The following POLQ variants were observed in gnomAD, a reference collection of about 807,000 sequenced individuals.
The protein encoded by POLQ is DNA polymerase theta.
In POLQ, 233 loss-of-function variants were observed where a neutral mutation model predicts 259.2. The ratio of observed to expected loss-of-function variants is 0.90; its 90% CI spans 0.81 to 1.00. The LOEUF (loss-of-function observed/expected upper bound fraction) is 1.00. POLQ is among the 50% of genes least tolerant of loss of function. POLQ has a pLI of 0.00. For missense variants in POLQ, 2,871 were observed against 3,051.6 expected (o/e 0.94, Z 1.39); for synonymous variants, 1,025 against 1,048.8 (o/e 0.98, Z 0.44).
At chr3:121,494,872 G>C in intron 14 of POLQ, 1 of 1,584,740 alleles carries the variant, frequency 6.3e-7, no homozygotes, top group Non-Finnish European at 8.6e-7. Context: ...AGCTCGAAAA[G>C]GCAAAGGCTA....
rs532096994 is a variant in POLQ at position 121,517,744 on chromosome 3, G to A, written c.1468+2127C>T. 5.1e-4 allele frequency among the ~76,000 whole-genome samples: 77 copies of A among 152,222 alleles called. 1 individual carries two copies. The highest frequency in any genetic ancestry group is 1.5e-3 in the South Asian group (7 of 4,824). On this transcript the variant is annotated intron_variant, in intron 9 of 29. Transcript: ENST00000264233. ...GAGACTGGACTGGCCATCATATACC[G>A]AGGATAGAAACTACATTGCTGAAAA...
chr3:121,489,560 C>T lies in POLQ; in HGVS notation c.3371G>A (p.Trp1124Ter). The T allele has an allele frequency of 6.2e-7, 1 of 1,612,926 alleles. No individual in the cohort carries two copies. Among genetic ancestry groups the T allele is most frequent in the Admixed American group, 1.7e-5 (1 of 59,866 alleles). The change falls in exon 16 of 30, where the codon TGG becomes TAG. Residue 1124 changes from tryptophan (W) to a stop codon, truncating the protein, a stop_gained. Coordinates refer to ENST00000264233, the MANE Select transcript of POLQ (RefSeq NM_199420.4). LOFTEE classifies it high-confidence loss of function. ...FPLQIKQNCS[W>*]NITLTNDNFV... ...ATTATCATTAGTTAGTGTTATGTTC[C>T]ATGAACAATTTTGCTTTATTTGTAA...
At chr3:121,544,467 T>C (rs1467540589) in intron 2 of POLQ, among the ~76,000 whole-genome samples, 2 of 152,194 alleles carry the variant, frequency 1.3e-5, no homozygotes, top group Non-Finnish European at 2.9e-5. Context: ...CTGGGATATA[T>C]GTTTGTTGAG....
chr3:121,493,437 T>G, intron 15 of POLQ, 41 bp downstream of exon 15: 1 of 1,480,702 alleles, frequency 6.8e-7, no homozygotes. Flanking sequence ...GACATTTTTT[T>G]TTTATTTCAT....
chr3:121,496,881 C>A lies in POLQ; in HGVS notation c.2205G>T (p.Arg735Ser). Residue 735 changes from arginine to serine, a missense_variant, in exon 14 of 30, where the codon AGG becomes AGT. By Grantham distance (110) the Arg-to-Ser change is moderately radical. This residue lies in a region of POLQ where 783 missense variants were observed against 906.2 expected (regional missense o/e 0.86). Transcript: ENST00000264233. ...TGCATCCATATTTCTGATTTATTTC[C>A]CTTAAGGGAACTTCACTGATTAAAT... ...LLDLISEVPLREINQKYGCNR... is the reference protein window; with the variant it reads ...LLDLISEVPLSEINQKYGCNR... The A allele has an allele frequency of 6.2e-7, 1 of 1,613,388 alleles. No individual in the cohort carries two copies. The highest frequency in any genetic ancestry group is 1.7e-5 in the Admixed American group (1 of 59,912).
At chr3:121,481,929 T>C in intron 18 of POLQ, 117 bp from the exon 19 acceptor site, 1 of 944,188 alleles carries the variant, frequency 1.1e-6, no homozygotes, top group East Asian at 2.5e-5. Flanking sequence ...TTTCATTTAA[T>C]ATTTATTCAG....
Position 121,490,011 on chromosome 3 carries a change from G to A in POLQ, c.2920C>T (p.Gln974Ter), listed in dbSNP as rs1208172795. 2 of 1,577,998 alleles carry A rather than the reference G, an allele frequency of 1.3e-6. No individual in the cohort carries two copies. Among genetic ancestry groups the A allele is most frequent in the East Asian group, 2.2e-5 (1 of 44,724 alleles). Residue 974 changes from glutamine (Q) to a stop codon, truncating the protein, a stop_gained, in exon 16 of 30, where the codon CAG becomes TAG. Transcript: ENST00000264233. LOFTEE classifies it high-confidence loss of function. ...GTCTGATGTTCTTGATTCCCATTCT[G>A]GAAATTACAATTAAAGGAACTTGTA... is the stretch of plus-strand genomic sequence containing the variant. ...EHTSSFNCNF[Q>*]NGNQEHQTCS...
chr3:121,438,727 AT>A (rs974084814), intron 27 of POLQ, among the ~76,000 whole-genome samples: 3 of 152,272 alleles, frequency 2.0e-5, no homozygotes, highest in African/African-American at 7.2e-5. Context: ...TTTCATATAT[AT>A]TTTTTTGTTT....
In POLQ at chr3:121,521,639, G is replaced by A. The variant is rs112125210; in HGVS notation, c.1255+364C>T. 512 of 155,346 alleles carry A rather than the reference G, an allele frequency of 3.3e-3. 5 individuals carry two copies. The highest frequency in any genetic ancestry group is 0.012 in the African/African-American group (485 of 41,582). 9.6% of individuals were successfully genotyped at this position (155,346 alleles called of 1,614,324 possible). On this transcript the variant is annotated intron_variant, in intron 8 of 29. Coordinates refer to ENST00000264233, the MANE Select transcript of POLQ (RefSeq NM_199420.4). ...GGTTGGAGTACAGTGGCACGATCTC[G>A]GCTCACTGTAACCTCCGCCTCCTGG...
Position 121,544,658 on chromosome 3 carries a change from C to G in POLQ, c.343+69G>C, listed in dbSNP as rs570204566. On this transcript the variant is annotated intron_variant, in intron 2 of 29. Coordinates refer to ENST00000264233, the MANE Select transcript of POLQ (RefSeq NM_199420.4). ...CATTCACCTTTTAAACGAACCACAACTACCTCAATAGAGTATTCTTTACAT... is the reference window on the plus strand; with the variant it reads ...CATTCACCTTTTAAACGAACCACAAGTACCTCAATAGAGTATTCTTTACAT... 12 of 1,018,426 alleles carry G rather than the reference C, an allele frequency of 1.2e-5. No homozygotes were observed. The South Asian group carries it at 1.7e-4, about 15-fold the overall frequency. 63.1% of individuals were successfully genotyped at this position (1,018,426 alleles called of 1,614,324 possible).
intron 5 of POLQ, among the ~76,000 whole-genome samples, chr3:121,536,243 G>A (rs2048449868): frequency 6.6e-6 from 1 of 152,148 alleles, no homozygotes; most frequent in Non-Finnish European, 1.5e-5. Flanking sequence ...TATATTTGAA[G>A]AATAGGAAGA....
At chr3:121,534,364 C>G (rs892823087) in intron 5 of POLQ, among the ~76,000 whole-genome samples, 5 of 151,278 alleles carry the variant, frequency 3.3e-5, no homozygotes, top group African/African-American at 1.2e-4. Context: ...GGGTCTAGCT[C>G]TGTCACCCAG....
rs1166033536 is a variant in POLQ at position 121,487,546 on chromosome 3, G to A, written c.5385C>T (p.Asp1795=). The A allele has an allele frequency of 8.1e-6, 13 of 1,614,030 alleles. 1 individual carries two copies. The highest frequency in any genetic ancestry group is 2.2e-5 in the South Asian group (2 of 91,078). Residue 1795 remains aspartate, a synonymous_variant, in exon 16 of 30, where the codon GAC becomes GAT. Transcript: ENST00000264233. Reference sequence around the variant, plus strand: ...AGCTTGTGTCACTAATAGGGCTGTTGTCTTTGAACCCATTTCTACTCCCTG... The same window carrying A: ...AGCTTGTGTCACTAATAGGGCTGTTATCTTTGAACCCATTTCTACTCCCTG... ...LSPGSRNGFK[D]NSPISDTSFS...
At chr3:121,478,104 G>C (rs776558867) in intron 19 of POLQ, among the ~76,000 whole-genome samples, 1 of 152,026 alleles carries the variant, frequency 6.6e-6, no homozygotes, top group Non-Finnish European at 1.5e-5. Flanking sequence ...GAGTCCCATA[G>C]CAAAAAAAGT....
chr3:121,473,523 A>G (rs767713301), intron 20 of POLQ, 36 bp from the exon 21 acceptor site: 8 of 1,558,288 alleles, frequency 5.1e-6, no homozygotes, highest in Non-Finnish European at 7.0e-6. Context: ...TCAAGAATGA[A>G]ACTTGCAAGG....
intron 14 of POLQ, 116 bp downstream of exon 14, chr3:121,496,690 CAA>C (rs2048126923): frequency 9.6e-7 from 1 of 1,040,988 alleles, no homozygotes. Flanking sequence ...AAGAACTGTA[CAA>C]AGTTTTAGCA....
At chr3:121,487,069 A>C (rs1268073856) in intron 16 of POLQ, among the ~76,000 whole-genome samples, 3 of 152,176 alleles carry the variant, frequency 2.0e-5, no homozygotes, top group Non-Finnish European at 4.4e-5. Context: ...TATTTTTATA[A>C]ACTTTTATTC....
chr3:121,483,270 ACTACT>A, intron 18 of POLQ, 111 bp downstream of exon 18: 2 of 374,398 alleles, frequency 5.3e-6, no homozygotes, highest in Non-Finnish European at 8.5e-6. Flanking sequence ...TAAAGAAGTG[ACTACT>A]CTAAAATACT....
Position 121,481,893 on chromosome 3 carries a change from C to A in POLQ, c.5971-81G>T, listed in dbSNP as rs1035667604. 5 of 1,270,948 alleles carry A rather than the reference C, an allele frequency of 3.9e-6. No homozygotes were observed. In the African/African-American group the frequency reaches 4.5e-5, roughly 11 times the overall value. The allele number at this position is 1,270,948 out of a possible 1,614,324, so 78.7% of individuals were successfully genotyped here. ...ACCTCTAAATGAAAAGGGAAAAAAA[C>A]AAAGCTCATTTCTAACCTCACTCAT... On this transcript the variant is annotated intron_variant, in intron 18 of 29. Coordinates refer to ENST00000264233, the MANE Select transcript of POLQ (RefSeq NM_199420.4).
Sources: allele counts gnomAD v4.1 joint callset (sites outside exome capture counted in the v4.1 genomes callset), GRCh38; gene constraint gnomAD v4.1.1; regional missense constraint gnomAD v4.1.1; transcripts MANE v1.5; gene names NCBI Gene and HGNC (gene_info 2026-07-23, HGNC 2026-07-21).